CRISPLD1: variants seen among roughly 807,000 people sequenced by gnomAD.
The protein encoded by CRISPLD1 is cysteine-rich secretory protein LCCL domain-containing 1.
Under a neutral mutation model 77.5 loss-of-function variants are expected in CRISPLD1, and 60 were observed. That is an observed-to-expected ratio of 0.77 (90% CI 0.63 to 0.96). CRISPLD1 has a LOEUF of 0.96. CRISPLD1 is among the 40% of genes least tolerant of loss of function. The pLI is 0.00. For synonymous variants in CRISPLD1, 195 were observed against 200.1 expected (o/e 0.97, Z 0.22); for missense variants, 623 against 615.8 (o/e 1.01, Z -0.12).
intron 12 of CRISPLD1, among the ~76,000 whole-genome samples, chr8:75,022,739 A>G (rs979687762): frequency 6.6e-6 from 1 of 152,142 alleles, no homozygotes; most frequent in African/African-American, 2.4e-5. Flanking sequence ...GCTGAGGCAT[A>G]GTCTATTCTG....
intron 13 of CRISPLD1, among the ~76,000 whole-genome samples, chr8:75,025,951 T>A (rs1200771287): frequency 6.6e-6 from 1 of 152,238 alleles, no homozygotes; most frequent in African/African-American, 2.4e-5. Flanking sequence ...CTGAACTGGA[T>A]AATTAAGAAT....
chr8:75,002,241 T>C (rs1337701352), intron 2 of CRISPLD1, among the ~76,000 whole-genome samples: 3 of 151,572 alleles, frequency 2.0e-5, no homozygotes, highest in African/African-American at 4.9e-5. Flanking sequence ...TTTTGAATTT[T>C]AATTTCTCTC....
intron 2 of CRISPLD1, among the ~76,000 whole-genome samples, chr8:74,991,513 T>G (rs1368212296): frequency 6.6e-6 from 1 of 152,154 alleles, no homozygotes; most frequent in Non-Finnish European, 1.5e-5. Flanking sequence ...TTTGAACCTG[T>G]GTTCACATTG....
At chr8:75,012,814 C>A in intron 3 of CRISPLD1, 76 bp from the exon 4 acceptor site, 1 of 1,483,310 alleles carries the variant, frequency 6.7e-7, no homozygotes, top group Non-Finnish European at 9.1e-7. Flanking sequence ...CAAATTATAC[C>A]AATGTATTTT....
At chr8:74,985,472 G>A (rs1329490879) in intron 1 of CRISPLD1, among the ~76,000 whole-genome samples, 1 of 152,078 alleles carries the variant, frequency 6.6e-6, no homozygotes, top group Non-Finnish European at 1.5e-5. Flanking sequence ...ACAGAGATGG[G>A]CCACTGGAAT....
Position 75,014,882 on chromosome 8 carries a change from G to A in CRISPLD1, c.697G>A (p.Gly233Arg), listed in dbSNP as rs1241148867. 3 of 1,573,644 alleles carry A rather than the reference G, an allele frequency of 1.9e-6. No homozygotes were observed. The East Asian group carries it at 7.1e-5, about 37-fold the overall frequency. ...PCSACPPSFG[G>R]GCRENLCYKE... ...TTCTGCTTGCCCACCTAGTTTTGGA[G>A]GGGGCTGTAGAGAAAATCTGTGCTA... Residue 233 changes from glycine to arginine, a missense_variant, in exon 6 of 15, where the codon GGG (glycine) becomes AGG (arginine). By Grantham distance (125) the Gly-to-Arg change is moderately radical. Transcript: ENST00000262207.
chr8:75,012,934 T>C lies in CRISPLD1; in HGVS notation c.422T>C (p.Val141Ala), dbSNP rs1563398385. The change falls in exon 4 of 15, where the codon GTG (valine) becomes GCG (alanine). Residue 141 changes from valine (V) to alanine (A), a missense_variant. Val to Ala is a moderately conservative substitution (Grantham distance 64). Coordinates refer to ENST00000262207, the MANE Select transcript of CRISPLD1 (RefSeq NM_031461.6). ...TFHVQSWYDE[V>A]KDFSYPYEHE... is the part of the protein sequence containing the mutation. ...CATGTACAATCGTGGTATGATGAAG[T>C]GAAAGACTTTAGCTACCCATATGAA... 6.2e-7 allele frequency: 1 copy of C among 1,612,992 alleles called. No individual in the cohort carries two copies. The highest frequency in any genetic ancestry group is 1.7e-5 in the Admixed American group (1 of 59,902).
intron 2 of CRISPLD1, among the ~76,000 whole-genome samples, chr8:74,987,697 T>A (rs1812516949): frequency 6.6e-6 from 1 of 152,202 alleles, no homozygotes; most frequent in Non-Finnish European, 1.5e-5. Flanking sequence ...TCTGTGAGAC[T>A]TCAAACAGAG....
chr8:74,987,935 A>G (rs1015222773), intron 2 of CRISPLD1, among the ~76,000 whole-genome samples: 8 of 152,182 alleles, frequency 5.3e-5, no homozygotes, highest in African/African-American at 1.2e-4. Flanking sequence ...ATAACTGCCT[A>G]TTGTATGATG....
chr8:75,001,293 G>T (rs1812736877), intron 2 of CRISPLD1, among the ~76,000 whole-genome samples: 1 of 152,112 alleles, frequency 6.6e-6, no homozygotes, highest in Admixed American at 6.5e-5. Flanking sequence ...AACATGACAG[G>T]TGGCTAAATT....
chr8:74,998,122 A>C (rs1812673151), intron 2 of CRISPLD1, among the ~76,000 whole-genome samples: 1 of 152,186 alleles, frequency 6.6e-6, no homozygotes, highest in South Asian at 2.1e-4. Flanking sequence ...TAACAGGAAA[A>C]GCTGAGGTTG....
rs769320129 is a variant in CRISPLD1 at position 74,986,188 on chromosome 8, C to T, written c.201C>T (p.Asp67=). Residue 67 remains aspartate (D), a synonymous_variant, in exon 2 of 15, where the codon GAC becomes GAT. Coordinates refer to ENST00000262207, the MANE Select transcript of CRISPLD1 (RefSeq NM_031461.6). The part of the protein sequence containing the change: ...ITDNDMQSIL[D]LHNKLRSQVY... ...ACAATGACATGCAGAGTATTTTGGACCTTCATAATAAATTACGAAGTCAGG... is the reference window on the plus strand; with the variant it reads ...ACAATGACATGCAGAGTATTTTGGATCTTCATAATAAATTACGAAGTCAGG... 7.4e-6 allele frequency: 12 copies of T among 1,613,954 alleles called. No homozygotes were observed. Among genetic ancestry groups the T allele is most frequent in the Non-Finnish European group, 7.6e-6 (9 of 1,179,902 alleles).
At position 75,017,364 on chromosome 8, in the gene CRISPLD1, CAAT is replaced by C. The variant is rs753564953; in HGVS notation, c.1042_1044del (p.Asn348del). The C allele has an allele frequency of 6.2e-7, 1 of 1,610,908 alleles. No individual in the cohort carries two copies. Among genetic ancestry groups the C allele is most frequent in the South Asian group, 1.1e-5 (1 of 90,424 alleles). On this transcript the variant is annotated inframe_deletion, in exon 10 of 15. Transcript: ENST00000262207. ...CTGCAATTCATTATGGTATAATAGA[CAAT>C]GATGGTGGCTGGGTAGATATCACTA...
At chr8:75,020,261 A>G (rs1398547255) in intron 12 of CRISPLD1, among the ~76,000 whole-genome samples, 182 bp downstream of exon 12, 1 of 152,254 alleles carries the variant, frequency 6.6e-6, no homozygotes, top group Non-Finnish European at 1.5e-5. Flanking sequence ...ATGCAAAAGT[A>G]TTCTCTGCTA....
intron 13 of CRISPLD1, chr8:75,026,951 A>AT (rs1382053599): frequency 2.6e-5 from 4 of 152,104 alleles, no homozygotes; most frequent in African/African-American, 9.7e-5. Context: ...GAAATACAGT[A>AT]TTTTTGCAAA....
chr8:75,019,867 C>T lies in CRISPLD1; in HGVS notation c.1128-3C>T. The T allele has an allele frequency of 6.2e-7, 1 of 1,608,544 alleles. No individual in the cohort carries two copies. The highest frequency in any genetic ancestry group is 8.5e-7 in the Non-Finnish European group (1 of 1,175,672). ...ATTAACATTTCTGTATTTTTACCTT[C>T]AGCAAATATCAGTCTGCTAATTCCT... On this transcript the variant is annotated splice_region_variant and splice_polypyrimidine_tract_variant and intron_variant, in intron 10 of 14. Transcript: ENST00000262207.
At position 75,012,451 on chromosome 8, in the gene CRISPLD1, G is replaced by C; in HGVS notation, c.277G>C (p.Glu93Gln). ...MEYMTWDVEL[E>Q]RSAESWAESC... ...ACTGTAGACATGGGATGTAGAGCTG[G>C]AAAGATCTGCAGAATCCTGGGCTGA... The change falls in exon 3 of 15, where the codon GAA (glutamate) becomes CAA (glutamine). Residue 93 changes from glutamate to glutamine, a missense_variant. Physicochemically the swap from Glu to Gln is conservative, Grantham distance 29. Coordinates refer to ENST00000262207, the MANE Select transcript of CRISPLD1 (RefSeq NM_031461.6). 1 of 1,612,018 alleles carries C rather than the reference G, an allele frequency of 6.2e-7. No individual in the cohort carries two copies. The highest frequency in any genetic ancestry group is 1.1e-5 in the South Asian group (1 of 91,028).
intron 2 of CRISPLD1, among the ~76,000 whole-genome samples, chr8:75,008,986 A>G (rs1017252080): frequency 6.6e-6 from 1 of 152,214 alleles, no homozygotes; most frequent in African/African-American, 2.4e-5. Flanking sequence ...GTTAGGAACT[A>G]GTTGTATATC....
chr8:74,986,365 G>A, intron 2 of CRISPLD1, 120 bp downstream of exon 2: 1 of 1,074,684 alleles, frequency 9.3e-7, no homozygotes. Context: ...GATTTTCTTT[G>A]AGGGTATTTT....
Sources: gnomAD v4.1 joint callset for allele counts (sites outside exome capture counted in the v4.1 genomes callset) on GRCh38, gnomAD v4.1.1 for gene constraint, MANE v1.5 for transcripts, NCBI Gene and HGNC (gene_info 2026-07-23, HGNC 2026-07-21) for gene names.